The following CATSPERT variants were observed in gnomAD, a reference collection of about 807,000 sequenced individuals.
CATSPERT encodes cation channel sperm-associated targeting subunit tau.
the CATSPERT span, among the ~76,000 whole-genome samples, chr2:201,573,406 T>C: frequency 1.3e-5 from 2 of 152,194 alleles, no homozygotes; most frequent in African/African-American, 2.4e-5. Flanking sequence ...GTACAAAATA[T>C]TATCTGAATT....
the CATSPERT span, among the ~76,000 whole-genome samples, chr2:201,546,340 T>C: frequency 3.9e-5 from 6 of 152,188 alleles, no homozygotes; most frequent in Non-Finnish European, 5.9e-5. Context: ...CAAGTCAACA[T>C]GTATAGGTTA....
the CATSPERT span, among the ~76,000 whole-genome samples, chr2:201,527,293 T>C: frequency 6.6e-6 from 1 of 152,176 alleles, no homozygotes; most frequent in Non-Finnish European, 1.5e-5. Context: ...TCCATGCTCA[T>C]GGAGAGGAAG....
At chr2:201,618,752 G>GAA in the CATSPERT span, 5 of 390,258 alleles carry the variant, frequency 1.3e-5, no homozygotes, top group Admixed American at 4.3e-5. Flanking sequence ...TGCTATAAAC[G>GAA]AAAAAAAAAA....
the CATSPERT span, among the ~76,000 whole-genome samples, chr2:201,570,043 G>T: frequency 3.3e-5 from 5 of 151,978 alleles, no homozygotes; most frequent in African/African-American, 1.2e-4. Flanking sequence ...TTAGCCAAAC[G>T]TGGTAACAAA....
chr2:201,549,559 C>G, the CATSPERT span: 2 of 152,096 alleles, frequency 1.3e-5, no homozygotes, highest in Non-Finnish European at 1.5e-5. Context: ...ACTTTTTCAA[C>G]AAGCAAGATA....
At chr2:201,576,898 G>A in the CATSPERT span, among the ~76,000 whole-genome samples, 1 of 152,136 alleles carries the variant, frequency 6.6e-6, no homozygotes, top group Non-Finnish European at 1.5e-5. Context: ...AGTACTTCTC[G>A]CATCTCTCAG....
At chr2:201,496,499 C>T in the CATSPERT span, among the ~76,000 whole-genome samples, 1 of 152,200 alleles carries the variant, frequency 6.6e-6, no homozygotes, top group Non-Finnish European at 1.5e-5. Context: ...TGTGCCAGCA[C>T]ATCTGGCTAA....
chr2:201,534,664 T>C, the CATSPERT span: 1 of 984,396 alleles, frequency 1.0e-6, no homozygotes, highest in Admixed American at 6.2e-5. Flanking sequence ...ACTCAAATAC[T>C]GTTGGTAAGA....
chr2:201,545,528 A>G, the CATSPERT span: 218 of 1,434,508 alleles, frequency 1.5e-4, no homozygotes, highest in Admixed American at 1.9e-4. Flanking sequence ...TAAAAAAATC[A>G]AAGTAGTTTC....
the CATSPERT span, among the ~76,000 whole-genome samples, chr2:201,569,909 G>T: frequency 9.9e-5 from 15 of 152,178 alleles, no homozygotes; most frequent in Non-Finnish European, 1.9e-4. Flanking sequence ...TAGGCCAGCT[G>T]CAGTGGCTCA....
the CATSPERT span, among the ~76,000 whole-genome samples, chr2:201,569,557 C>T: frequency 6.6e-6 from 1 of 152,170 alleles, no homozygotes; most frequent in East Asian, 1.9e-4. Flanking sequence ...TTTCCCAATT[C>T]AGTGACTGCA....
chr2:201,502,768 T>C, the CATSPERT span, among the ~76,000 whole-genome samples: 6 of 152,102 alleles, frequency 3.9e-5, no homozygotes, highest in Non-Finnish European at 8.8e-5. Flanking sequence ...GATATGTGGG[T>C]TTATAGTTTT....
At chr2:201,556,513 GA>G in the CATSPERT span, among the ~76,000 whole-genome samples, 76 of 134,182 alleles carry the variant, frequency 5.7e-4, no homozygotes, top group Non-Finnish European at 4.5e-4. Context: ...ACTTCAAAAA[GA>G]AAAAAAAAAA....
At chr2:201,589,966 C>G in the CATSPERT span, among the ~76,000 whole-genome samples, 4 of 151,488 alleles carry the variant, frequency 2.6e-5, no homozygotes, top group East Asian at 7.8e-4. Context: ...GGATACTTTT[C>G]TTTTTATTTA....
At chr2:201,541,859 G>C in the CATSPERT span, among the ~76,000 whole-genome samples, 1 of 151,900 alleles carries the variant, frequency 6.6e-6, no homozygotes, top group Admixed American at 6.6e-5. Context: ...GCCTCCCAAA[G>C]TGCTGAGATT....
chr2:201,579,756 ATTG>A, the CATSPERT span, among the ~76,000 whole-genome samples: 1 of 151,154 alleles, frequency 6.6e-6, no homozygotes, highest in South Asian at 2.1e-4. Context: ...ATCTTAAGGT[ATTG>A]TTTAACATTT....
the CATSPERT span, chr2:201,553,814 G>T: frequency 6.6e-6 from 1 of 152,108 alleles, no homozygotes; most frequent in African/African-American, 2.4e-5. Context: ...ATGTGGATTT[G>T]ATCTAATAGG....
At chr2:201,560,785 C>CTTTT in the CATSPERT span, among the ~76,000 whole-genome samples, 2 of 151,228 alleles carry the variant, frequency 1.3e-5, no homozygotes, top group South Asian at 2.1e-4. Context: ...TGTGAAATCT[C>CTTTT]TCTTTTTTTT....
At chr2:201,515,848 C>T in the CATSPERT span, among the ~76,000 whole-genome samples, 2 of 152,124 alleles carry the variant, frequency 1.3e-5, no homozygotes, top group Non-Finnish European at 2.9e-5. Flanking sequence ...GTGGCAGTGC[C>T]CTGAATGGGA....
Sources: gnomAD v4.1 joint callset for allele counts (sites outside exome capture counted in the v4.1 genomes callset) on GRCh38, gnomAD v4.1.1 for gene constraint, MANE v1.5 for transcripts, NCBI Gene and HGNC (gene_info 2026-07-23, HGNC 2026-07-21) for gene names.